MAP7D2: variants seen among roughly 807,000 people sequenced by gnomAD.
The protein encoded by MAP7D2 is MAP7 domain-containing protein 2.
MAP7D2 carries 33 observed loss-of-function variants against 63.5 expected under a neutral mutation model. The ratio of observed to expected loss-of-function variants is 0.52; its 90% CI spans 0.39 to 0.70. The LOEUF (loss-of-function observed/expected upper bound fraction) is 0.70. MAP7D2 is among the 30% of genes least tolerant of loss of function. MAP7D2 has a pLI of 0.00. For missense variants in MAP7D2, 626 were observed against 604.0 expected, an observed-to-expected ratio of 1.04 and a Z score of -0.38; for synonymous variants, 224 against 223.7, an observed-to-expected ratio of 1.00 and a Z score of -0.01.
At chrX:20,025,993 T>C in intron 8 of MAP7D2, 41 bp from the exon 9 acceptor site, 1 of 1,176,829 alleles carries the variant, frequency 8.5e-7, no homozygotes, top group Non-Finnish European at 1.1e-6. Context: ...TTACTGGGCC[T>C]GAACACAGAG....
intron 10 of MAP7D2, among the ~76,000 whole-genome samples, chrX:20,022,022 A>G (rs975433067): frequency 4.5e-5 from 5 of 112,223 alleles, no homozygotes; most frequent in Admixed American, 2.8e-4. Flanking sequence ...GGAGGCCTGT[A>G]AACAAATGAA....
At chrX:20,092,225 T>A (rs1050785274) in intron 1 of MAP7D2, among the ~76,000 whole-genome samples, 1 of 111,070 alleles carries the variant, frequency 9.0e-6, no homozygotes, top group Non-Finnish European at 1.9e-5. Context: ...TTGTATACAG[T>A]AGGCTTACAA....
Position 20,087,419 on chromosome X carries a change from T to G in MAP7D2, c.131-22614A>C, listed in dbSNP as rs756550716. Among the ~76,000 whole-genome samples, 7 of 111,858 alleles carry G rather than the reference T, an allele frequency of 6.3e-5. No individual in the cohort carries two copies. The South Asian group carries it at 2.3e-3, about 36-fold the overall frequency. On this transcript the variant is annotated intron_variant, in intron 1 of 16. Coordinates refer to ENST00000379643, the MANE Select transcript of MAP7D2 (RefSeq NM_001168465.2). ...TTCCTCTATCTCTGCATGTGGTCTGTGCACATGCTAACTCCCCTTCCCCTT... is the reference window on the plus strand; with the variant it reads ...TTCCTCTATCTCTGCATGTGGTCTGGGCACATGCTAACTCCCCTTCCCCTT...
intron 8 of MAP7D2, among the ~76,000 whole-genome samples, chrX:20,036,393 C>T (rs1462560052): frequency 9.3e-6 from 1 of 107,645 alleles, no homozygotes. Context: ...CAGGTGCGTG[C>T]CACCACGCCT....
intron 13 of MAP7D2, among the ~76,000 whole-genome samples, 196 bp from the exon 14 acceptor site, chrX:20,013,328 ACTATGCC>A (rs780844031): frequency 8.9e-6 from 1 of 111,786 alleles, no homozygotes; most frequent in Non-Finnish European, 1.9e-5. Context: ...TTCATGGACT[ACTATGCC>A]TCTCTCTTCA....
intron 1 of MAP7D2, among the ~76,000 whole-genome samples, chrX:20,076,891 G>A (rs2065658432): frequency 8.9e-6 from 1 of 112,320 alleles, no homozygotes; most frequent in Non-Finnish European, 1.9e-5. Context: ...GAAAAATGCA[G>A]ACATGTAAGA....
chrX:20,063,114 G>C (rs1215875657), intron 3 of MAP7D2, among the ~76,000 whole-genome samples: 6 of 111,434 alleles, frequency 5.4e-5, no homozygotes, highest in Non-Finnish European at 1.1e-4. Context: ...AGAGGCATTG[G>C]AGACTGCCAA....
At chrX:20,035,926 A>ATGTGTGTG (rs59706024) in intron 8 of MAP7D2, among the ~76,000 whole-genome samples, 1 of 98,398 alleles carries the variant, frequency 1.0e-5, no homozygotes, top group Non-Finnish European at 2.0e-5. Context: ...AAAAATATAT[A>ATGTGTGTG]TGTGTGTGTG....
chrX:20,038,334 C>A (rs751862739), intron 8 of MAP7D2, among the ~76,000 whole-genome samples: 1 of 111,947 alleles, frequency 8.9e-6, no homozygotes, highest in East Asian at 2.8e-4. Context: ...ACTCACTTTA[C>A]GGCTAAAGAA....
intron 1 of MAP7D2, among the ~76,000 whole-genome samples, chrX:20,094,836 CA>C (rs1319596136): frequency 9.4e-6 from 1 of 106,126 alleles, no homozygotes; most frequent in Non-Finnish European, 1.9e-5. Context: ...CTCGGCCTCG[CA>C]AAGTGCTAGG....
At chrX:20,042,730 G>A in intron 7 of MAP7D2, 101 bp from the exon 8 acceptor site, 1 of 1,016,673 alleles carries the variant, frequency 9.8e-7, no homozygotes, top group Non-Finnish European at 1.4e-6. Context: ...TTCTTTCAGA[G>A]GGATCGATAT....
intron 2 of MAP7D2, 117 bp downstream of exon 2, chrX:20,064,611 T>A (rs1367120654): frequency 3.5e-6 from 2 of 565,945 alleles, no homozygotes; most frequent in East Asian, 7.0e-5. Context: ...TGATTCTTCA[T>A]GTTCATCTAG....
chrX:20,076,380 G>A (rs1416233198), intron 1 of MAP7D2, among the ~76,000 whole-genome samples: 1 of 111,732 alleles, frequency 8.9e-6, no homozygotes, highest in Non-Finnish European at 1.9e-5. Context: ...CTAGGATGAA[G>A]GTATAGACAT....
At position 20,007,354 on chromosome X, in the gene MAP7D2, A is replaced by C. The variant is rs981122199; in HGVS notation, c.*1071T>G. ...TTTAATTTGAAAGCCACATTTCGCC[A>C]CAAGAAACAAAATTAAGAAAACACA... is the stretch of plus-strand genomic sequence containing the variant. On this transcript the variant is annotated 3_prime_UTR_variant, in exon 17 of 17. Transcript: ENST00000379643. The C allele has an allele frequency of 8.9e-6, 1 of 112,435 alleles. No homozygotes were observed. Among genetic ancestry groups the C allele is most frequent in the African/African-American group, 3.2e-5 (1 of 30,867 alleles). 9.3% of individuals were successfully genotyped at this position (112,435 alleles called of 1,213,427 possible).
intron 1 of MAP7D2, among the ~76,000 whole-genome samples, chrX:20,090,107 C>T (rs1262188764): frequency 8.9e-6 from 1 of 111,845 alleles, no homozygotes; most frequent in Non-Finnish European, 1.9e-5. Context: ...ACACGACTTC[C>T]AGAACTATTT....
chrX:20,087,831 G>A lies in MAP7D2; in HGVS notation c.131-23026C>T, dbSNP rs1396641406. On this transcript the variant is annotated intron_variant, in intron 1 of 16. Coordinates refer to ENST00000379643, the MANE Select transcript of MAP7D2 (RefSeq NM_001168465.2). ...GTCACAAGTCAACTGGGGAGTTTAA[G>A]AAGGTCAAAATTCTTTTAACTTATG... Among the ~76,000 whole-genome samples, 3 of 103,348 alleles carry A rather than the reference G, an allele frequency of 2.9e-5. No individual in the cohort carries two copies. In the East Asian group the frequency reaches 9.7e-4, roughly 33 times the overall value. The allele number at this position is 103,348 out of a possible 115,157, so 89.7% of individuals were successfully genotyped here.
At chrX:20,059,320 T>C (rs1251347364) in intron 3 of MAP7D2, among the ~76,000 whole-genome samples, 1 of 111,885 alleles carries the variant, frequency 8.9e-6, no homozygotes, top group Non-Finnish European at 1.9e-5. Flanking sequence ...AGAATCTGCA[T>C]TTCTAACAAG....
intron 1 of MAP7D2, among the ~76,000 whole-genome samples, chrX:20,067,025 G>A (rs766363651): frequency 8.9e-6 from 1 of 112,546 alleles, no homozygotes; most frequent in African/African-American, 3.2e-5. Flanking sequence ...AGGTTCTAGT[G>A]TCTACCTCAA....
intron 10 of MAP7D2, among the ~76,000 whole-genome samples, chrX:20,023,990 G>A (rs560969699): frequency 8.9e-6 from 1 of 112,108 alleles, no homozygotes; most frequent in Admixed American, 9.4e-5. Flanking sequence ...CCTGTAATCA[G>A]AGACCACAAA....
Sources: allele counts gnomAD v4.1 joint callset (sites outside exome capture counted in the v4.1 genomes callset), GRCh38; gene constraint gnomAD v4.1.1; transcripts MANE v1.5; gene names NCBI Gene and HGNC (gene_info 2026-07-23, HGNC 2026-07-21).